Variants in ADGRA3 observed in about 807,000 individuals in gnomAD.
ADGRA3 encodes G-protein coupled receptor 125.
ADGRA3 carries 56 observed loss-of-function variants against 119.8 expected under a neutral mutation model. That is an observed-to-expected ratio of 0.47 (90% CI 0.38 to 0.58). The LOEUF (loss-of-function observed/expected upper bound fraction) is 0.58, where lower values mean the gene tolerates loss of function less well. Ranked by LOEUF, ADGRA3 falls within the 20% of genes least tolerant of loss-of-function variation. The probability of loss-of-function intolerance (pLI) is 0.00; values close to 1 mark genes in which losing one functional copy is unlikely to be tolerated. For synonymous variants in ADGRA3, 607 were observed against 623.8 expected (o/e 0.97, Z 0.40); for missense variants, 1,516 against 1,649.0 (o/e 0.92, Z 1.40).
chr4:22,414,125 A>G, intron 12 of ADGRA3: 1 of 237,854 alleles, frequency 4.2e-6, no homozygotes, highest in South Asian at 9.1e-5. Flanking sequence ...CATTAAACAG[A>G]TCAAGGATCT....
At chr4:22,492,458 C>T (rs1718656632) in intron 1 of ADGRA3, among the ~76,000 whole-genome samples, 1 of 152,142 alleles carries the variant, frequency 6.6e-6, no homozygotes, top group African/African-American at 2.4e-5. Context: ...TTACTGAGTG[C>T]CTACTTGAAT....
At chr4:22,413,470 T>C (rs955942249) in intron 13 of ADGRA3, 80 bp from the exon 14 acceptor site, 1 of 1,393,658 alleles carries the variant, frequency 7.2e-7, no homozygotes, top group East Asian at 2.3e-5. Flanking sequence ...CAGTAATGGG[T>C]ACTCTGCAAG....
chr4:22,511,864 G>A (rs982086590), intron 1 of ADGRA3, among the ~76,000 whole-genome samples: 6 of 134,848 alleles, frequency 4.4e-5, no homozygotes, highest in African/African-American at 1.7e-4. Context: ...TTCCCTCACC[G>A]TTTTCTTCAC....
At chr4:22,442,257 A>G (rs1312140498) in intron 7 of ADGRA3, among the ~76,000 whole-genome samples, 2 of 152,176 alleles carry the variant, frequency 1.3e-5, no homozygotes, top group Non-Finnish European at 2.9e-5. Context: ...GGTGGAGAAG[A>G]TAAGTACCTT....
At chr4:22,452,139 G>A (rs531158569) in intron 4 of ADGRA3, among the ~76,000 whole-genome samples, 24 of 152,254 alleles carry the variant, frequency 1.6e-4, no homozygotes, top group Non-Finnish European at 2.4e-4. Flanking sequence ...TAATTGCCAC[G>A]TTGTCTTTAA....
At chr4:22,402,870 T>C in intron 14 of ADGRA3, 71 bp from the exon 15 acceptor site, 1 of 1,449,758 alleles carries the variant, frequency 6.9e-7, no homozygotes, top group Non-Finnish European at 9.4e-7. Context: ...TTTTTTTGAG[T>C]GACGAAAACA....
chr4:22,420,716 C>T lies in ADGRA3; in HGVS notation c.1809+170G>A, dbSNP rs147774206. ...AAAAATGCCTAGGGCCCTTGAAAGT[C>T]GTAATGCAGTTCTTCCTGGTTAGTT... On this transcript the variant is annotated intron_variant, in intron 12 of 18. Coordinates refer to ENST00000334304, the MANE Select transcript of ADGRA3 (RefSeq NM_145290.4). The T allele has an allele frequency of 1.3e-4, 84 of 644,258 alleles. No homozygotes were observed. In the East Asian group the frequency reaches 1.8e-3, roughly 14 times the overall value. The allele number at this position is 644,258 out of a possible 1,614,324, so 39.9% of individuals were successfully genotyped here.
intron 3 of ADGRA3, among the ~76,000 whole-genome samples, chr4:22,457,546 T>C (rs1717282521): frequency 6.6e-6 from 1 of 152,178 alleles, no homozygotes; most frequent in South Asian, 2.1e-4. Flanking sequence ...GGAAGAATAT[T>C]ATAAATGGCA....
intron 4 of ADGRA3, among the ~76,000 whole-genome samples, chr4:22,450,233 G>GT (rs1716985094): frequency 1.3e-5 from 2 of 151,532 alleles, no homozygotes; most frequent in South Asian, 4.2e-4. Flanking sequence ...GGAGCAGCAG[G>GT]TAAGTTACCC....
intron 6 of ADGRA3, chr4:22,443,135 T>G: frequency 1.5e-6 from 1 of 670,118 alleles, no homozygotes; most frequent in East Asian, 2.7e-5. Context: ...ATTACAGAAA[T>G]GAACTAAAAG....
At chr4:22,510,481 C>T (rs1719411620) in intron 1 of ADGRA3, among the ~76,000 whole-genome samples, 1 of 152,048 alleles carries the variant, frequency 6.6e-6, no homozygotes, top group Non-Finnish European at 1.5e-5. Flanking sequence ...GCCTCCTGTT[C>T]ATGTTCCTCT....
At chr4:22,501,616 T>C (rs1222612674) in intron 1 of ADGRA3, among the ~76,000 whole-genome samples, 1 of 152,122 alleles carries the variant, frequency 6.6e-6, no homozygotes, top group Admixed American at 6.5e-5. Flanking sequence ...CCACGTTTCC[T>C]TTCCATTGTA....
At position 22,451,320 on chromosome 4, in the gene ADGRA3, G is replaced by T. The variant is rs1353508742; in HGVS notation, c.473+3546C>A. On this transcript the variant is annotated intron_variant, in intron 4 of 18. Transcript: ENST00000334304. ...ATCTGTAGATCTCCTGACAGATTTTGGTCTGCAGATCTCCTGACATTTCTC... is the reference window on the plus strand; with the variant it reads ...ATCTGTAGATCTCCTGACAGATTTTTGTCTGCAGATCTCCTGACATTTCTC... 4.6e-5 allele frequency among the ~76,000 whole-genome samples: 7 copies of T among 151,560 alleles called. No homozygotes were observed. The East Asian group carries it at 1.4e-3, about 29-fold the overall frequency.
At position 22,439,659 on chromosome 4, in the gene ADGRA3, A is replaced by G. The variant is rs58384324; in HGVS notation, c.921-1239T>C. On this transcript the variant is annotated intron_variant, in intron 7 of 18. Coordinates refer to ENST00000334304, the MANE Select transcript of ADGRA3 (RefSeq NM_145290.4). ...TTTACTAAGTTAGAAAAATAAACAT[A>G]CTGTAATTAATATTTTTAAAATAGA... Among the ~76,000 whole-genome samples, 1,132 of 152,320 alleles carry G rather than the reference A, an allele frequency of 7.4e-3. 18 individuals carry two copies. Among genetic ancestry groups the G allele is most frequent in the African/African-American group, 0.026 (1,073 of 41,572 alleles).
At chr4:22,500,301 G>C (rs112558303) in intron 1 of ADGRA3, among the ~76,000 whole-genome samples, 17 of 152,314 alleles carry the variant, frequency 1.1e-4, no homozygotes, top group African/African-American at 3.6e-4. Context: ...CAGCCTATGT[G>C]TAACCTGAGA....
intron 10 of ADGRA3, among the ~76,000 whole-genome samples, chr4:22,434,637 A>C (rs1287810445): frequency 2.6e-5 from 4 of 152,234 alleles, no homozygotes; most frequent in African/African-American, 9.6e-5. Flanking sequence ...TTTAAACGTA[A>C]AGTTTAAGAA....
At position 22,388,421 on chromosome 4, in the gene ADGRA3, C is replaced by G; in HGVS notation, c.3250G>C (p.Gly1084Arg). ...CTATTGGGGCATTTGGGTGCCTCTCCATTCGTCCCATTAGAGTTGGGGGGC... is the reference window on the plus strand; with the variant it reads ...CTATTGGGGCATTTGGGTGCCTCTCGATTCGTCCCATTAGAGTTGGGGGGC... ...VQPPNSNGTN[G>R]EAPKCPNSSA... Residue 1084 changes from glycine to arginine, a missense_variant, in exon 19 of 19, where the codon GGA becomes CGA. By Grantham distance (125) the Gly-to-Arg change is moderately radical (BLOSUM62 -2). Coordinates refer to ENST00000334304, the MANE Select transcript of ADGRA3 (RefSeq NM_145290.4). 6.2e-7 allele frequency: 1 copy of G among 1,614,046 alleles called. No homozygotes were observed. The highest frequency in any genetic ancestry group is 8.5e-7 in the Non-Finnish European group (1 of 1,180,002).
chr4:22,420,128 G>A (rs1300976664), intron 12 of ADGRA3: 2 of 152,328 alleles, frequency 1.3e-5, no homozygotes, highest in Non-Finnish European at 2.9e-5. Flanking sequence ...CCATTAAAAT[G>A]ACTGGAATAT....
chr4:22,417,715 G>A (rs114944661), intron 12 of ADGRA3, among the ~76,000 whole-genome samples: 1,720 of 152,174 alleles, frequency 0.011, 14 homozygotes, highest in East Asian at 0.057. Context: ...AATGAACAAA[G>A]CACAACGGGA....
Sources: allele counts gnomAD v4.1 joint callset (sites outside exome capture counted in the v4.1 genomes callset), GRCh38; gene constraint gnomAD v4.1.1; transcripts MANE v1.5; gene names NCBI Gene and HGNC (gene_info 2026-07-23, HGNC 2026-07-21).